AK5: variants seen among roughly 807,000 people sequenced by gnomAD.
The protein encoded by AK5 is adenylate kinase isoenzyme 5.
AK5 carries 27 observed loss-of-function variants against 69.5 expected under a neutral mutation model. That is an observed-to-expected ratio of 0.39 (90% CI 0.29 to 0.54). AK5 has a LOEUF of 0.54. Ranked by LOEUF, AK5 falls within the 20% of genes least tolerant of loss-of-function variation. AK5 has a pLI of 0.71. For synonymous variants in AK5, 260 were observed against 244.4 expected (o/e 1.06, Z -0.60); for missense variants, 531 against 700.4 (o/e 0.76, Z 2.73).
At chr1:77,487,643 T>C (rs1655686140) in intron 10 of AK5, among the ~76,000 whole-genome samples, 2 of 152,196 alleles carry the variant, frequency 1.3e-5, no homozygotes, top group Admixed American at 1.3e-4. Flanking sequence ...AGTTCTCTCA[T>C]TGTTAGATGA....
Position 77,394,095 on chromosome 1 carries a change from G to C in AK5, c.892-16886G>C, listed in dbSNP as rs191587529. 3.4e-3 allele frequency among the ~76,000 whole-genome samples: 522 copies of C among 151,910 alleles called. 4 individuals are homozygous for C. Among genetic ancestry groups the C allele is most frequent in the African/African-American group, 0.012 (501 of 41,420 alleles). On this transcript the variant is annotated intron_variant, in intron 6 of 13. Coordinates refer to ENST00000354567, the MANE Select transcript of AK5 (RefSeq NM_174858.3). Reference sequence around the variant, plus strand: ...CTGGCTGTGGTGACGTGTACCTGTAGTTCCAGCTACTCGGGAGGCTGAGGC... The same window carrying C: ...CTGGCTGTGGTGACGTGTACCTGTACTTCCAGCTACTCGGGAGGCTGAGGC...
intron 5 of AK5, among the ~76,000 whole-genome samples, chr1:77,331,292 C>A (rs1244936840): frequency 2.0e-5 from 3 of 151,984 alleles, no homozygotes; most frequent in Non-Finnish European, 2.9e-5. Flanking sequence ...TTGTTTCAGT[C>A]CTGATCTTGA....
intron 8 of AK5, among the ~76,000 whole-genome samples, chr1:77,446,669 G>A (rs995849593): frequency 2.0e-5 from 3 of 152,030 alleles, no homozygotes; most frequent in African/African-American, 7.3e-5. Context: ...CTTCTTTGAT[G>A]CTATCATAAA....
Position 77,486,324 on chromosome 1 carries a change from G to C in AK5, c.1119G>C (p.Leu373Phe), listed in dbSNP as rs779325502. Residue 373 changes from leucine (L) to phenylalanine (F), a missense_variant, in exon 10 of 14, where the codon TTG (leucine) becomes TTC (phenylalanine). By Grantham distance (22) the Leu-to-Phe change is conservative. Transcript: ENST00000354567. Reference protein sequence around the residue: ...EDTMGGFMEDLRKCKIIFIIG... With the variant: ...EDTMGGFMEDFRKCKIIFIIG... ...ATTTTAAAGGTTTCATGGAAGATTT[G>C]AGAAAGTGTAAAATTATTTTCATAA... 1.3e-6 allele frequency: 2 copies of C among 1,579,450 alleles called. No homozygotes were observed. Among genetic ancestry groups the C allele is most frequent in the South Asian group, 2.2e-5 (2 of 89,762 alleles).
intron 8 of AK5, among the ~76,000 whole-genome samples, chr1:77,470,231 G>A (rs148150203): frequency 3.7e-4 from 57 of 152,294 alleles, no homozygotes; most frequent in African/African-American, 9.9e-4. Context: ...CTGGCCGGGC[G>A]CAGTGGCTCA....
chr1:77,426,776 C>G (rs977130396), intron 8 of AK5, among the ~76,000 whole-genome samples: 2 of 152,156 alleles, frequency 1.3e-5, no homozygotes, highest in African/African-American at 2.4e-5. Flanking sequence ...GAATATAAAT[C>G]ATACAGTGTC....
intron 1 of AK5, 106 bp downstream of exon 1, chr1:77,282,479 A>G: frequency 7.0e-7 from 1 of 1,431,406 alleles, no homozygotes; most frequent in Non-Finnish European, 9.2e-7. Flanking sequence ...CGGGGCATGT[A>G]ATGAAGGGGC....
intron 8 of AK5, among the ~76,000 whole-genome samples, chr1:77,429,902 A>G (rs1651487786): frequency 6.6e-6 from 1 of 152,176 alleles, no homozygotes; most frequent in Non-Finnish European, 1.5e-5. Context: ...CATGGCATCC[A>G]AAAGAAGACC....
At chr1:77,355,598 C>A (rs1410457672) in intron 6 of AK5, among the ~76,000 whole-genome samples, 1 of 152,060 alleles carries the variant, frequency 6.6e-6, no homozygotes, top group East Asian at 1.9e-4. Flanking sequence ...GACAGATGCC[C>A]CCACTCTGAG....
intron 8 of AK5, among the ~76,000 whole-genome samples, chr1:77,441,487 G>A (rs1414352479): frequency 2.0e-5 from 3 of 152,104 alleles, no homozygotes; most frequent in African/African-American, 4.8e-5. Context: ...TGGTGTGCTC[G>A]TTGGGAAAGA....
At chr1:77,336,385 C>A (rs1445045466) in intron 5 of AK5, among the ~76,000 whole-genome samples, 1 of 152,008 alleles carries the variant, frequency 6.6e-6, no homozygotes, top group Non-Finnish European at 1.5e-5. Flanking sequence ...TGGCCATAAC[C>A]CATATTTTAA....
chr1:77,407,663 G>A (rs1475640789), intron 6 of AK5, among the ~76,000 whole-genome samples: 1 of 152,054 alleles, frequency 6.6e-6, no homozygotes, highest in Non-Finnish European at 1.5e-5. Context: ...TGGGGTACAT[G>A]TGCAGATTTG....
chr1:77,480,337 T>C (rs1017045922), intron 8 of AK5, among the ~76,000 whole-genome samples: 1 of 152,164 alleles, frequency 6.6e-6, no homozygotes, highest in Non-Finnish European at 1.5e-5. Flanking sequence ...CTGTTCACTA[T>C]TGATGAATTA....
At chr1:77,500,472 A>G (rs575077954) in intron 10 of AK5, among the ~76,000 whole-genome samples, 1 of 152,212 alleles carries the variant, frequency 6.6e-6, no homozygotes, top group African/African-American at 2.4e-5. Context: ...ATGTGTTGAT[A>G]AAGTGTCCAT....
Position 77,313,848 on chromosome 1 carries a change from C to T in AK5, c.699+15901C>T, listed in dbSNP as rs763076665. 69 of 533,130 alleles carry T rather than the reference C, an allele frequency of 1.3e-4. No homozygotes were observed. In the Middle Eastern group the frequency reaches 3.8e-3, roughly 29 times the overall value. The allele number at this position is 533,130 out of a possible 1,614,324, so 33.0% of individuals were successfully genotyped here. ...CTGTGCAGTCAGATCCTCTCCCTTA[C>T]GCTGCTCCCTGCGGGGTATGTCCAG... On this transcript the variant is annotated intron_variant, in intron 5 of 13. Coordinates refer to ENST00000354567, the MANE Select transcript of AK5 (RefSeq NM_174858.3).
chr1:77,482,282 C>A (rs946144852), intron 8 of AK5, among the ~76,000 whole-genome samples: 4 of 152,176 alleles, frequency 2.6e-5, no homozygotes, highest in Non-Finnish European at 5.9e-5. Flanking sequence ...TGAGAGTTCT[C>A]ACCTAGTGCC....
chr1:77,293,921 G>T lies in AK5; in HGVS notation c.376G>T (p.Asp126Tyr). 6.2e-7 allele frequency: 1 copy of T among 1,613,288 alleles called. No homozygotes were observed. The highest frequency in any genetic ancestry group is 8.5e-7 in the Non-Finnish European group (1 of 1,179,730). Residue 126 changes from aspartate to tyrosine, a missense_variant, in exon 3 of 14, where the codon GAT becomes TAT. By Grantham distance (160) the Asp-to-Tyr change is radical (BLOSUM62 -3). Coordinates refer to ENST00000354567, the MANE Select transcript of AK5 (RefSeq NM_174858.3). The part of the protein sequence containing the change: ...AELIEEYEVF[D>Y]PTRPRPKIIL... ...GTTGATTGAGGAGTATGAGGTTTTT[G>T]ATCCTACCAGACCTCGACCAAAAAT...
intron 8 of AK5, among the ~76,000 whole-genome samples, chr1:77,430,111 A>G (rs1498402): frequency 0.043 from 6,431 of 148,924 alleles, 447 homozygotes; most frequent in African/African-American, 0.15. Context: ...CACATTGGAG[A>G]AAAGCAATCT....
chr1:77,391,491 G>GTGTGTA (rs1404627692), intron 6 of AK5, among the ~76,000 whole-genome samples: 21 of 17,890 alleles, frequency 1.2e-3, no homozygotes, highest in African/African-American at 6.6e-3. Context: ...GTATGTGTGT[G>GTGTGTA]TGTGTATATA....
Sources: allele counts gnomAD v4.1 joint callset (sites outside exome capture counted in the v4.1 genomes callset), GRCh38; gene constraint gnomAD v4.1.1; transcripts MANE v1.5; gene names NCBI Gene and HGNC (gene_info 2026-07-23, HGNC 2026-07-21).